The following TMTC2 variants were observed in gnomAD, a reference collection of about 807,000 sequenced individuals.
TMTC2 encodes protein O-mannosyl-transferase TMTC2.
A neutral mutation model predicts 82.4 loss-of-function variants in TMTC2; 43 were observed. That is an observed-to-expected ratio of 0.52 (90% CI 0.41 to 0.67). The LOEUF is 0.67. TMTC2 is among the 30% of genes least tolerant of loss of function. The pLI is 0.00. For synonymous variants in TMTC2, 408 were observed against 381.9 expected, an observed-to-expected ratio of 1.07 and a Z score of -0.80; for missense variants, 919 against 1,012.4, an observed-to-expected ratio of 0.91 and a Z score of 1.25.
chr12:83,040,068 C>G (rs973731559), intron 9 of TMTC2, among the ~76,000 whole-genome samples: 3 of 152,220 alleles, frequency 2.0e-5, no homozygotes, highest in Non-Finnish European at 4.4e-5. Context: ...GCACTGGGCA[C>G]TTTTCTGCAT....
At chr12:82,856,627 G>C (rs1265836395) in intron 1 of TMTC2, among the ~76,000 whole-genome samples, 1 of 152,146 alleles carries the variant, frequency 6.6e-6, no homozygotes, top group African/African-American at 2.4e-5. Flanking sequence ...TGCATCACCT[G>C]GGCCTTGCTT....
chr12:82,768,347 A>G (rs1344907855), intron 1 of TMTC2, among the ~76,000 whole-genome samples: 1 of 152,182 alleles, frequency 6.6e-6, no homozygotes, highest in Non-Finnish European at 1.5e-5. Flanking sequence ...GCACGTTCTT[A>G]TACTTCAGCA....
intron 1 of TMTC2, among the ~76,000 whole-genome samples, chr12:82,691,864 A>G (rs1366589975): frequency 6.6e-6 from 1 of 152,226 alleles, no homozygotes; most frequent in Non-Finnish European, 1.5e-5. Context: ...AGTGATTATT[A>G]TAAGAAGCCA....
At chr12:82,778,705 C>T (rs556333752) in intron 1 of TMTC2, among the ~76,000 whole-genome samples, 88 of 151,618 alleles carry the variant, frequency 5.8e-4, no homozygotes, top group African/African-American at 1.6e-3. Context: ...AAAAATTAGC[C>T]GGGCGTAGTG....
chr12:83,072,613 C>T (rs1209894145), intron 11 of TMTC2, among the ~76,000 whole-genome samples: 5 of 152,092 alleles, frequency 3.3e-5, no homozygotes, highest in African/African-American at 9.7e-5. Flanking sequence ...TTGAAGTCCC[C>T]CACTATTACT....
In TMTC2 at chr12:83,133,076, C is replaced by T. The variant is rs989612624; in HGVS notation, c.*687C>T. ...GGAGAGTAGAGCTAACCATACTTCA[C>T]ACTCGAGTTGTATGAGGGACTGGGG... On this transcript the variant is annotated 3_prime_UTR_variant, in exon 12 of 12. Transcript: ENST00000321196. The T allele has an allele frequency of 5.3e-5, 8 of 152,212 alleles. No individual in the cohort carries two copies. Among genetic ancestry groups the T allele is most frequent in the Non-Finnish European group, 1.0e-4 (7 of 68,050 alleles). The allele number at this position is 152,212 out of a possible 1,614,324, so 9.4% of individuals were successfully genotyped here. A position where few individuals can be genotyped will look rare whatever the true frequency, so the allele number is the denominator to read the frequency against.
chr12:82,792,855 A>G (rs531872517), intron 1 of TMTC2, among the ~76,000 whole-genome samples: 1 of 152,056 alleles, frequency 6.6e-6, no homozygotes, highest in East Asian at 1.9e-4. Flanking sequence ...TTTTTTGAAG[A>G]TATATAGTAC....
At chr12:82,764,952 A>T (rs1019626164) in intron 1 of TMTC2, among the ~76,000 whole-genome samples, 2 of 144,314 alleles carry the variant, frequency 1.4e-5, no homozygotes, top group East Asian at 3.9e-4. Context: ...GAACAATCAG[A>T]TACTCATTTG....
chr12:82,996,834 A>C (rs1158015214), intron 8 of TMTC2, among the ~76,000 whole-genome samples: 1 of 152,204 alleles, frequency 6.6e-6, no homozygotes, highest in African/African-American at 2.4e-5. Flanking sequence ...TTTTGAGATG[A>C]AATAGCAATA....
chr12:83,084,243 C>T (rs1437973162), intron 11 of TMTC2, among the ~76,000 whole-genome samples: 1 of 152,130 alleles, frequency 6.6e-6, no homozygotes, highest in African/African-American at 2.4e-5. Flanking sequence ...ATCTTTGGGA[C>T]AGCTATTATA....
chr12:83,084,439 G>A (rs531080751), intron 11 of TMTC2, among the ~76,000 whole-genome samples: 5 of 151,902 alleles, frequency 3.3e-5, no homozygotes, highest in East Asian at 1.9e-4. Flanking sequence ...CTTGCCAGTC[G>A]TTTTCAAAGA....
rs535678372 is a variant in TMTC2 at position 82,765,503 on chromosome 12, C to T, written c.83+77834C>T. 5.3e-5 allele frequency among the ~76,000 whole-genome samples: 8 copies of T among 152,050 alleles called. No individual in the cohort carries two copies. In the South Asian group the frequency reaches 1.0e-3, roughly 20 times the overall value. ...CAGCCTGATCAACATCAAGAAACCC[C>T]GTCTCTACTACAAATACAAAATTAG... On this transcript the variant is annotated intron_variant, in intron 1 of 11. Coordinates refer to ENST00000321196, the MANE Select transcript of TMTC2 (RefSeq NM_152588.3).
intron 1 of TMTC2, among the ~76,000 whole-genome samples, chr12:82,815,042 T>C (rs1322756310): frequency 2.6e-5 from 4 of 152,104 alleles, no homozygotes; most frequent in African/African-American, 9.6e-5. Context: ...CTTCTAGGCT[T>C]GGAGATGACC....
At chr12:82,745,737 A>G (rs1193214959) in intron 1 of TMTC2, among the ~76,000 whole-genome samples, 1 of 152,216 alleles carries the variant, frequency 6.6e-6, no homozygotes, top group Non-Finnish European at 1.5e-5. Context: ...AAAAAATACC[A>G]TTGTGCTTTT....
intron 4 of TMTC2, among the ~76,000 whole-genome samples, chr12:82,944,398 C>CGAGA (rs1304748645): frequency 1.3e-3 from 196 of 151,968 alleles, no homozygotes; most frequent in African/African-American, 4.5e-3. Context: ...TCCTGGCTAA[C>CGAGA]ACGGTGAAAC....
chr12:82,750,967 C>T (rs755382535), intron 1 of TMTC2, among the ~76,000 whole-genome samples: 1 of 152,044 alleles, frequency 6.6e-6, no homozygotes, highest in Admixed American at 6.5e-5. Flanking sequence ...GGAATTACAC[C>T]CAGGCAAGCG....
At chr12:82,914,338 T>A (rs1874869706) in intron 3 of TMTC2, among the ~76,000 whole-genome samples, 1 of 152,194 alleles carries the variant, frequency 6.6e-6, no homozygotes, top group Non-Finnish European at 1.5e-5. Context: ...AAATTCTCTT[T>A]TCTCTAGTAT....
rs139722909 is a variant in TMTC2 at position 83,107,511 on chromosome 12, C to G, written c.2332-24699C>G. On this transcript the variant is annotated intron_variant, in intron 11 of 11. Transcript: ENST00000321196. Reference sequence around the variant, plus strand: ...ATTAATCCCCTCATGGGAGCCCCACCTTGATTCAGACCTTATCTAATCTCA... The same window carrying G: ...ATTAATCCCCTCATGGGAGCCCCACGTTGATTCAGACCTTATCTAATCTCA... 3.3e-3 allele frequency among the ~76,000 whole-genome samples: 497 copies of G among 152,272 alleles called. 4 individuals carry two copies. The highest frequency in any genetic ancestry group is 0.011 in the African/African-American group (471 of 41,542).
At chr12:82,791,598 T>C (rs1878474704) in intron 1 of TMTC2, among the ~76,000 whole-genome samples, 1 of 152,180 alleles carries the variant, frequency 6.6e-6, no homozygotes, top group African/African-American at 2.4e-5. Flanking sequence ...GTGTTATATA[T>C]GTTCATAAAA....
Sources: gnomAD v4.1 joint callset for allele counts (sites outside exome capture counted in the v4.1 genomes callset) on GRCh38, gnomAD v4.1.1 for gene constraint, MANE v1.5 for transcripts, NCBI Gene and HGNC (gene_info 2026-07-23, HGNC 2026-07-21) for gene names.